Variants in PTPN9 observed in about 807,000 individuals in gnomAD.
PTPN9 encodes the protein protein tyrosine phosphatase non-receptor type 9.
Under a neutral mutation model 69.8 loss-of-function variants are expected in PTPN9, and 26 were observed. The observed-to-expected ratio is 0.37, with a 90% CI of 0.27 to 0.52. The LOEUF is 0.52. Among genes scored for constraint, PTPN9 ranks in the 20% least tolerant of loss-of-function variants. The pLI, the probability that PTPN9 is intolerant of heterozygous loss-of-function variation, is 0.91. For synonymous variants in PTPN9, 274 were observed against 272.5 expected (o/e 1.01, Z -0.05); for missense variants, 549 against 740.3 (o/e 0.74, Z 3.00).
At chr15:75,495,696 A>G (rs2074736661) in intron 7 of PTPN9, among the ~76,000 whole-genome samples, 1 of 152,016 alleles carries the variant, frequency 6.6e-6, no homozygotes, top group South Asian at 2.1e-4. Flanking sequence ...CAGCCTGGGC[A>G]ACATCAAAAC....
At chr15:75,503,245 G>C (rs1158575741) in intron 7 of PTPN9, among the ~76,000 whole-genome samples, 20 of 148,888 alleles carry the variant, frequency 1.3e-4, no homozygotes, top group Non-Finnish European at 2.4e-4. Flanking sequence ...ATCTCTGCCC[G>C]GCCGCCCATC....
In PTPN9 at chr15:75,554,200, AT is replaced by A. The variant is rs916543343; in HGVS notation, c.63+24513del. On this transcript the variant is annotated intron_variant, in intron 1 of 12. Transcript: ENST00000618819. Reference sequence around the variant, plus strand: ...TGCCCGGCTGAAAAAAGAAAAAAAAATTTTTTTTTTTGAAATAGAATTTCGC... The same window carrying A: ...TGCCCGGCTGAAAAAAGAAAAAAAAATTTTTTTTTTGAAATAGAATTTCGC... Among the ~76,000 whole-genome samples the A allele has an allele frequency of 2.8e-4, 41 of 145,246 alleles. 1 individual carries two copies. The highest frequency in any genetic ancestry group is 7.6e-4 in the African/African-American group (30 of 39,610).
At chr15:75,482,270 A>T (rs2074641803) in intron 8 of PTPN9, among the ~76,000 whole-genome samples, 1 of 152,032 alleles carries the variant, frequency 6.6e-6, no homozygotes, top group Non-Finnish European at 1.5e-5. Flanking sequence ...CATGCTCCTT[A>T]AGAGTCATCA....
At chr15:75,492,397 T>C (rs1595951420) in intron 7 of PTPN9, among the ~76,000 whole-genome samples, 1 of 151,738 alleles carries the variant, frequency 6.6e-6, no homozygotes, top group Admixed American at 6.6e-5. Context: ...CCAAGGGAGG[T>C]ACCTATAGAG....
At chr15:75,521,617 G>A (rs2074905642) in intron 4 of PTPN9, among the ~76,000 whole-genome samples, 1 of 150,972 alleles carries the variant, frequency 6.6e-6, no homozygotes. Flanking sequence ...AGGCCGAGAT[G>A]GGAGGATTGC....
chr15:75,553,637 C>G (rs1394838180), intron 1 of PTPN9, among the ~76,000 whole-genome samples: 1 of 152,108 alleles, frequency 6.6e-6, no homozygotes, highest in Non-Finnish European at 1.5e-5. Flanking sequence ...CAATTTTGCC[C>G]CAGTTCCAAA....
intron 7 of PTPN9, among the ~76,000 whole-genome samples, chr15:75,504,485 G>C (rs1465971979): frequency 2.2e-5 from 3 of 134,218 alleles, no homozygotes; most frequent in Non-Finnish European, 4.9e-5. Context: ...GAGGTGGAGG[G>C]GTCAGCCCCA....
At chr15:75,533,280 T>C (rs2074970688) in intron 1 of PTPN9, among the ~76,000 whole-genome samples, 1 of 152,204 alleles carries the variant, frequency 6.6e-6, no homozygotes, top group African/African-American at 2.4e-5. Flanking sequence ...TTTTGCTTTT[T>C]TGAGACAGGT....
At chr15:75,540,850 G>T (rs886649665) in intron 1 of PTPN9, among the ~76,000 whole-genome samples, 1 of 151,738 alleles carries the variant, frequency 6.6e-6, no homozygotes, top group African/African-American at 2.4e-5. Context: ...AGCTGAGGTG[G>T]GAGGATCGCT....
chr15:75,501,649 G>T (rs1423476488), intron 7 of PTPN9, among the ~76,000 whole-genome samples: 1 of 151,466 alleles, frequency 6.6e-6, no homozygotes, highest in African/African-American at 2.4e-5. Context: ...GTAGAGGTAG[G>T]GTCTTGCTAT....
At chr15:75,487,781 G>T (rs1231328526) in intron 8 of PTPN9, 1 of 152,164 alleles carries the variant, frequency 6.6e-6, no homozygotes, top group Non-Finnish European at 1.5e-5. Flanking sequence ...TTATGTGCTT[G>T]AAACAACAGG....
intron 8 of PTPN9, among the ~76,000 whole-genome samples, chr15:75,488,138 G>A (rs964957629): frequency 9.9e-5 from 15 of 151,970 alleles, no homozygotes; most frequent in East Asian, 1.9e-4. Flanking sequence ...AAAATTAGCC[G>A]GGCATGGTGG....
intron 1 of PTPN9, among the ~76,000 whole-genome samples, chr15:75,542,401 C>T (rs1260148719): frequency 6.6e-6 from 1 of 152,118 alleles, no homozygotes; most frequent in Non-Finnish European, 1.5e-5. Context: ...GTTCTGAAAC[C>T]ATGGGACTCT....
chr15:75,480,737 C>A, intron 8 of PTPN9: 2 of 1,297,582 alleles, frequency 1.5e-6, no homozygotes, highest in Non-Finnish European at 2.0e-6. Context: ...CAGCGGGCAG[C>A]GGAGCTGTCT....
intron 7 of PTPN9, among the ~76,000 whole-genome samples, chr15:75,499,362 C>T (rs1246780763): frequency 6.8e-6 from 1 of 146,060 alleles, no homozygotes; most frequent in Non-Finnish European, 1.5e-5. Flanking sequence ...CAAATGGTAG[C>T]TGGTTTGGAT....
intron 1 of PTPN9, among the ~76,000 whole-genome samples, chr15:75,573,648 C>T (rs2075158949): frequency 6.6e-6 from 1 of 152,180 alleles, no homozygotes; most frequent in African/African-American, 2.4e-5. Flanking sequence ...GTATACAAAT[C>T]AAGAGTACAA....
chr15:75,567,164 C>CA (rs1195427849), intron 1 of PTPN9, among the ~76,000 whole-genome samples: 1 of 151,966 alleles, frequency 6.6e-6, no homozygotes, highest in Non-Finnish European at 1.5e-5. Context: ...TACAGGCGTA[C>CA]ACCACCATGC....
chr15:75,482,083 A>G (rs1198966697), intron 8 of PTPN9, among the ~76,000 whole-genome samples: 3 of 150,856 alleles, frequency 2.0e-5, no homozygotes, highest in Admixed American at 1.3e-4. Flanking sequence ...AGAAGTAGAC[A>G]TGGGAGACTT....
chr15:75,562,781 AG>A (rs1161104920), intron 1 of PTPN9, among the ~76,000 whole-genome samples: 1 of 116,220 alleles, frequency 8.6e-6, no homozygotes, highest in Admixed American at 1.0e-4. Flanking sequence ...TGACAGAGCG[AG>A]ACTCGTTTCA....
Sources: gnomAD v4.1 joint callset for allele counts (sites outside exome capture counted in the v4.1 genomes callset) on GRCh38, gnomAD v4.1.1 for gene constraint, MANE v1.5 for transcripts, NCBI Gene and HGNC (gene_info 2026-07-23, HGNC 2026-07-21) for gene names.